COLQ: variants seen among roughly 807,000 people sequenced by gnomAD.
COLQ encodes collagen like tail subunit of asymmetric acetylcholinesterase.
In COLQ, 48 loss-of-function variants were observed where a neutral mutation model predicts 69.0. That is an observed-to-expected ratio of 0.70 (90% CI 0.55 to 0.88). COLQ has a LOEUF of 0.88. Ranked by LOEUF, COLQ falls within the 40% of genes least tolerant of loss-of-function variation. The probability of loss-of-function intolerance (pLI) is 0.00; values close to 1 mark genes in which losing one functional copy is unlikely to be tolerated. For synonymous variants in COLQ, 217 were observed against 211.2 expected, an observed-to-expected ratio of 1.03 and a Z score of -0.24; for missense variants, 618 against 594.6, an observed-to-expected ratio of 1.04 and a Z score of -0.41.
At chr3:15,515,809 A>G (rs1315562309) in intron 1 of COLQ, among the ~76,000 whole-genome samples, 1 of 152,230 alleles carries the variant, frequency 6.6e-6, no homozygotes, top group Non-Finnish European at 1.5e-5. Context: ...CCGTCTCAAA[A>G]AAATCAAAAT....
chr3:15,456,965 G>T (rs796959453), intron 13 of COLQ, among the ~76,000 whole-genome samples: 1 of 151,950 alleles, frequency 6.6e-6, no homozygotes, highest in Non-Finnish European at 1.5e-5. Context: ...TGGGATTACA[G>T]GTGTGCACCA....
At chr3:15,517,337 CAAGTCACTT>C (rs1223524196) in intron 1 of COLQ, among the ~76,000 whole-genome samples, 4 of 152,180 alleles carry the variant, frequency 2.6e-5, no homozygotes, top group African/African-American at 9.7e-5. Context: ...TGACCTTGGG[CAAGTCACTT>C]AACCTTTCTG....
intron 1 of COLQ, among the ~76,000 whole-genome samples, chr3:15,513,979 G>A (rs2063022029): frequency 6.6e-6 from 1 of 152,202 alleles, no homozygotes; most frequent in South Asian, 2.1e-4. Flanking sequence ...GACAGGCAGA[G>A]GACATTTGAC....
intron 8 of COLQ, 116 bp from the exon 9 acceptor site, chr3:15,474,388 G>A (rs1267313348): frequency 9.4e-7 from 1 of 1,067,348 alleles, no homozygotes; most frequent in South Asian, 1.3e-5. Flanking sequence ...TGAAGAAATA[G>A]GCTCAGATAT....
At chr3:15,517,409 T>A (rs1470714440) in intron 1 of COLQ, among the ~76,000 whole-genome samples, 1 of 152,056 alleles carries the variant, frequency 6.6e-6, no homozygotes, top group African/African-American at 2.4e-5. Context: ...CATTCAGGAG[T>A]GCTGCGAGAA....
chr3:15,485,907 A>G (rs977830347), intron 3 of COLQ, among the ~76,000 whole-genome samples: 1 of 152,224 alleles, frequency 6.6e-6, no homozygotes, highest in African/African-American at 2.4e-5. Flanking sequence ...GGCTGCAGTT[A>G]GCTGCGATCA....
chr3:15,508,757 C>A (rs1451821303), intron 1 of COLQ, among the ~76,000 whole-genome samples: 1 of 151,902 alleles, frequency 6.6e-6, no homozygotes, highest in Admixed American at 6.6e-5. Context: ...TTTTGCCCAT[C>A]CGATAGATGA....
intron 6 of COLQ, 124 bp from the exon 7 acceptor site, chr3:15,475,611 C>G (rs1355272187): frequency 1.2e-6 from 1 of 812,554 alleles, no homozygotes; most frequent in Admixed American, 2.0e-5. Flanking sequence ...TCTGAGGACC[C>G]CAGATGCACC....
At chr3:15,518,221 C>T (rs1439669506) in intron 1 of COLQ, among the ~76,000 whole-genome samples, 2 of 152,184 alleles carry the variant, frequency 1.3e-5, no homozygotes, top group African/African-American at 4.8e-5. Flanking sequence ...GCTGGGATTA[C>T]AGGCGTGAGC....
intron 1 of COLQ, among the ~76,000 whole-genome samples, chr3:15,517,853 A>T (rs978416575): frequency 6.6e-6 from 1 of 152,236 alleles, no homozygotes; most frequent in Non-Finnish European, 1.5e-5. Flanking sequence ...ATTCATGTTC[A>T]TCATAATGAA....
chr3:15,461,489 C>A (rs929846193), intron 12 of COLQ, among the ~76,000 whole-genome samples: 1 of 152,220 alleles, frequency 6.6e-6, no homozygotes, highest in Non-Finnish European at 1.5e-5. Flanking sequence ...AGCTGGGTTT[C>A]ATCGCCACCC....
At chr3:15,467,643 C>G (rs552909540) in intron 11 of COLQ, 9 of 347,928 alleles carry the variant, frequency 2.6e-5, no homozygotes, top group African/African-American at 1.5e-4. Flanking sequence ...ATGCTATTGA[C>G]TCTTCCCCTG....
At chr3:15,494,012 G>A (rs1319385411) in intron 1 of COLQ, among the ~76,000 whole-genome samples, 1 of 152,210 alleles carries the variant, frequency 6.6e-6, no homozygotes, top group Non-Finnish European at 1.5e-5. Context: ...GAACTTGGGA[G>A]GCAGAGGTTT....
intron 1 of COLQ, among the ~76,000 whole-genome samples, chr3:15,520,733 C>T (rs1219897149): frequency 2.0e-5 from 3 of 152,152 alleles, no homozygotes; most frequent in African/African-American, 7.2e-5. Context: ...TGCTCTGGGT[C>T]AGACAAGACA....
At chr3:15,474,571 A>G (rs968010160) in intron 8 of COLQ, among the ~76,000 whole-genome samples, 1 of 124,422 alleles carries the variant, frequency 8.0e-6, no homozygotes, top group African/African-American at 3.3e-5. Context: ...GTTTTTGGCC[A>G]GGTCAGAAGG....
At chr3:15,461,359 C>T (rs914862405) in intron 12 of COLQ, among the ~76,000 whole-genome samples, 5 of 152,158 alleles carry the variant, frequency 3.3e-5, no homozygotes, top group African/African-American at 1.2e-4. Context: ...TGCAGTTTCC[C>T]TGCAGCTTCC....
At chr3:15,489,698 A>C (rs1268723357) in intron 1 of COLQ, 61 bp from the exon 2 acceptor site, 1 of 1,495,254 alleles carries the variant, frequency 6.7e-7, no homozygotes, top group African/African-American at 1.4e-5. Context: ...TGTCACACCC[A>C]CCGTGCCCAG....
intron 1 of COLQ, among the ~76,000 whole-genome samples, chr3:15,521,015 C>G (rs1378038091): frequency 2.0e-5 from 3 of 152,320 alleles, no homozygotes; most frequent in South Asian, 2.1e-4. Context: ...CTGTTCACCC[C>G]CCACCCCACC....
At chr3:15,481,842 A>G (rs2062489723) in intron 3 of COLQ, among the ~76,000 whole-genome samples, 1 of 152,210 alleles carries the variant, frequency 6.6e-6, no homozygotes, top group Admixed American at 6.5e-5. Context: ...CTTCCTATCC[A>G]TGAGCATGGA....
Sources: gnomAD v4.1 joint callset for allele counts (sites outside exome capture counted in the v4.1 genomes callset) on GRCh38, gnomAD v4.1.1 for gene constraint, MANE v1.5 for transcripts, NCBI Gene and HGNC (gene_info 2026-07-23, HGNC 2026-07-21) for gene names.